RARB: variants seen among roughly 807,000 people sequenced by gnomAD.
RARB encodes HBV-activated protein.
In RARB, 17 loss-of-function variants were observed where a neutral mutation model predicts 51.9. The ratio of observed to expected loss-of-function variants is 0.33; its 90% confidence interval spans 0.22 to 0.49. The LOEUF is 0.49. RARB is among the 20% of genes least tolerant of loss of function. The pLI is 0.99. For missense variants in RARB, 369 were observed against 550.8 expected (o/e 0.67, Z 3.30); for synonymous variants, 215 against 195.4 (o/e 1.10, Z -0.84).
intron 5 of RARB, among the ~76,000 whole-genome samples, chr3:25,202,679 C>A (rs949669967): frequency 2.0e-5 from 3 of 152,324 alleles, no homozygotes; most frequent in African/African-American, 7.2e-5. Flanking sequence ...TTTCTGCCTT[C>A]ATTTTGTTAT....
intron 1 of RARB, among the ~76,000 whole-genome samples, chr3:24,841,120 A>C (rs1489031218): frequency 6.6e-6 from 1 of 152,206 alleles, no homozygotes; most frequent in South Asian, 2.1e-4. Context: ...TGTAAAACAC[A>C]AAAACCATCA....
chr3:25,358,447 C>G (rs530269373), intron 5 of RARB, among the ~76,000 whole-genome samples: 73 of 152,308 alleles, frequency 4.8e-4, no homozygotes, highest in Non-Finnish European at 4.6e-4. Context: ...TTGACTTCCT[C>G]TCTTCCTATT....
chr3:25,175,047 G>A (rs887543499), intron 5 of RARB, among the ~76,000 whole-genome samples: 1 of 152,072 alleles, frequency 6.6e-6, no homozygotes, highest in Non-Finnish European at 1.5e-5. Context: ...ATAGACCTTT[G>A]CTACCAATTC....
intron 2 of RARB, among the ~76,000 whole-genome samples, chr3:24,883,741 G>A (rs1052232434): frequency 6.6e-6 from 1 of 151,948 alleles, no homozygotes; most frequent in African/African-American, 2.4e-5. Context: ...TTCAAATTGG[G>A]TGTCAGATAC....
intron 2 of RARB, among the ~76,000 whole-genome samples, chr3:25,029,465 T>C (rs1427616766): frequency 6.6e-6 from 1 of 152,228 alleles, no homozygotes. Flanking sequence ...TCAAAACTGG[T>C]GACCTGGGAA....
At chr3:25,271,149 A>G (rs1703248486) in intron 5 of RARB, among the ~76,000 whole-genome samples, 1 of 152,150 alleles carries the variant, frequency 6.6e-6, no homozygotes, top group African/African-American at 2.4e-5. Flanking sequence ...TATTACACCA[A>G]CCAATTACGA....
intron 5 of RARB, among the ~76,000 whole-genome samples, chr3:25,368,612 A>G (rs983476099): frequency 6.6e-5 from 10 of 152,232 alleles, no homozygotes. Flanking sequence ...CTAGGTCATG[A>G]TAAGGCACTC....
chr3:24,958,969 G>A (rs921364819), intron 2 of RARB, among the ~76,000 whole-genome samples: 3 of 152,208 alleles, frequency 2.0e-5, no homozygotes, highest in East Asian at 1.9e-4. Flanking sequence ...GTGAGCCGGT[G>A]CAGGAGGCAG....
intron 5 of RARB, among the ~76,000 whole-genome samples, chr3:25,212,506 T>TAA (rs200851306): frequency 2.7e-5 from 4 of 148,474 alleles, no homozygotes; most frequent in Non-Finnish European, 6.0e-5. Flanking sequence ...TAATCCCAGC[T>TAA]ACCCGGGAGG....
At chr3:25,176,342 C>CTTCTTTCTTTCTTTCTTTCT (rs1559493189) in intron 5 of RARB, among the ~76,000 whole-genome samples, 1 of 52,362 alleles carries the variant, frequency 1.9e-5, no homozygotes, top group Non-Finnish European at 4.1e-5. Context: ...TCTTTCCTTC[C>CTTCTTTCTTTCTTTCTTTCT]TTCCTTCCTT....
At chr3:25,255,111 C>T (rs1702829053) in intron 5 of RARB, among the ~76,000 whole-genome samples, 2 of 152,164 alleles carry the variant, frequency 1.3e-5, no homozygotes, top group Admixed American at 1.3e-4. Flanking sequence ...TTTAGGGTAA[C>T]ACTCACACAT....
At chr3:25,165,594 G>C (rs1700548994) in intron 4 of RARB, among the ~76,000 whole-genome samples, 1 of 152,128 alleles carries the variant, frequency 6.6e-6, no homozygotes, top group African/African-American at 2.4e-5. Context: ...ATGTAGCATG[G>C]AAACTGTTGT....
intron 4 of RARB, among the ~76,000 whole-genome samples, chr3:25,151,497 A>G (rs1700285799): frequency 6.6e-6 from 1 of 152,214 alleles, no homozygotes; most frequent in South Asian, 2.1e-4. Context: ...TTCTTTCTCC[A>G]GCTGCCTTCG....
intron 5 of RARB, among the ~76,000 whole-genome samples, chr3:25,243,112 C>G (rs770641876): frequency 2.6e-5 from 4 of 151,990 alleles, no homozygotes; most frequent in Non-Finnish European, 5.9e-5. Flanking sequence ...CCCTGTTTGT[C>G]TATAATTGGT....
At chr3:25,363,161 A>G (rs916125642) in intron 5 of RARB, among the ~76,000 whole-genome samples, 2 of 152,206 alleles carry the variant, frequency 1.3e-5, no homozygotes, top group African/African-American at 4.8e-5. Context: ...TGATGAAAGA[A>G]GTATACAGAA....
Position 25,531,649 on chromosome 3 carries a change from A to G in RARB, c.448+30326A>G, listed in dbSNP as rs116709777. Among the ~76,000 whole-genome samples, 1,218 of 152,112 alleles carry G rather than the reference A, an allele frequency of 8.0e-3. 27 individuals carry two copies. Among genetic ancestry groups the G allele is most frequent in the African/African-American group, 0.028 (1,146 of 41,494 alleles). Reference sequence around the variant, plus strand: ...AGCAAACGCTCTCTGGCTAACATCCAGAAGTGCTACAGTTTTCTGTATTTT... The same window carrying G: ...AGCAAACGCTCTCTGGCTAACATCCGGAAGTGCTACAGTTTTCTGTATTTT... On this transcript the variant is annotated intron_variant, in intron 3 of 7. Coordinates refer to ENST00000330688, the MANE Select transcript of RARB (RefSeq NM_000965.5).
chr3:25,541,208 A>T (rs1409348317), intron 3 of RARB, among the ~76,000 whole-genome samples: 1 of 152,122 alleles, frequency 6.6e-6, no homozygotes, highest in East Asian at 1.9e-4. Context: ...TCTATTGATA[A>T]ATCCATTGAT....
intron 5 of RARB, among the ~76,000 whole-genome samples, chr3:25,253,527 C>T (rs750193748): frequency 6.6e-6 from 1 of 151,796 alleles, no homozygotes; most frequent in Non-Finnish European, 1.5e-5. Flanking sequence ...TAGGAGGGTC[C>T]CCAGACATAA....
At chr3:25,201,437 G>A (rs991521815) in intron 5 of RARB, among the ~76,000 whole-genome samples, 8 of 152,138 alleles carry the variant, frequency 5.3e-5, no homozygotes, top group Admixed American at 4.6e-4. Flanking sequence ...TCTCCTGCCT[G>A]ATTGCCCTGG....
Sources: gnomAD v4.1 joint callset for allele counts (sites outside exome capture counted in the v4.1 genomes callset) on GRCh38, gnomAD v4.1.1 for gene constraint, MANE v1.5 for transcripts, NCBI Gene and HGNC (gene_info 2026-07-23, HGNC 2026-07-21) for gene names.